The following DTNBP1 variants were observed in gnomAD, a reference collection of about 807,000 sequenced individuals.
DTNBP1 encodes dysbindin.
A neutral mutation model predicts 42.8 loss-of-function variants in DTNBP1; 35 were observed. That is an observed-to-expected ratio of 0.82 (90% CI 0.63 to 1.09). The LOEUF is 1.09. Among genes scored for constraint, DTNBP1 ranks in the 50% least tolerant of loss-of-function variants. The pLI is 0.00. For synonymous variants in DTNBP1, 171 were observed against 162.2 expected (o/e 1.05, Z -0.41); for missense variants, 457 against 424.2 (o/e 1.08, Z -0.68).
At chr6:15,532,697 CTTTTTTT>C (rs373480713) in intron 8 of DTNBP1, among the ~76,000 whole-genome samples, 2 of 93,100 alleles carry the variant, frequency 2.1e-5, no homozygotes, top group African/African-American at 8.9e-5. Context: ...TGTTTGTAAT[CTTTTTTT>C]TTTTTTTTTT....
intron 7 of DTNBP1, among the ~76,000 whole-genome samples, chr6:15,542,067 A>T (rs2056942): frequency 2.6e-5 from 4 of 151,970 alleles, no homozygotes; most frequent in African/African-American, 4.8e-5. Flanking sequence ...ATTGTTCATT[A>T]GAGATAAATA....
chr6:15,533,384 C>T lies in DTNBP1; in HGVS notation c.523G>A (p.Ala175Thr). 1 of 1,614,238 alleles carries T rather than the reference C, an allele frequency of 6.2e-7. No homozygotes were observed. The highest frequency in any genetic ancestry group is 8.5e-7 in the Non-Finnish European group (1 of 1,180,052). Residue 175 changes from alanine to threonine, a missense_variant, in exon 8 of 10, where the codon GCA (alanine) becomes ACA (threonine). Transcript: ENST00000344537. ...ELETFKAELDAEHAQKVLEME... is the reference protein window; with the variant it reads ...ELETFKAELDTEHAQKVLEME... ...TCCAGGACCTTCTGGGCGTGCTCTG[C>T]ATCTAGTTCAGCTGAGGAAACAGAA...
intron 4 of DTNBP1, among the ~76,000 whole-genome samples, chr6:15,632,114 C>G (rs1759731026): frequency 6.6e-6 from 1 of 152,120 alleles, no homozygotes. Context: ...ATCTTTTACT[C>G]ACTTTTCTCC....
At chr6:15,524,004 C>T (rs1288983487) in intron 9 of DTNBP1, 1 of 1,288,456 alleles carries the variant, frequency 7.8e-7, no homozygotes, top group Admixed American at 2.3e-5. Context: ...GGCACCTCAG[C>T]CCATATTTGC....
intron 7 of DTNBP1, among the ~76,000 whole-genome samples, chr6:15,567,596 C>T (rs537523528): frequency 6.6e-6 from 1 of 152,322 alleles, no homozygotes; most frequent in Non-Finnish European, 1.5e-5. Context: ...TCACGTATGA[C>T]CTGTAAGCCC....
At chr6:15,643,325 C>T (rs1035046110) in intron 3 of DTNBP1, among the ~76,000 whole-genome samples, 1 of 152,140 alleles carries the variant, frequency 6.6e-6, no homozygotes, top group Non-Finnish European at 1.5e-5. Flanking sequence ...CTTTCACTTA[C>T]TAGCATTCCT....
chr6:15,640,675 G>A (rs1207360642), intron 3 of DTNBP1, among the ~76,000 whole-genome samples: 1 of 152,198 alleles, frequency 6.6e-6, no homozygotes, highest in Non-Finnish European at 1.5e-5. Flanking sequence ...GAAATAGAGA[G>A]AAGATGTCAG....
At chr6:15,593,321 A>T (rs1433189160) in intron 6 of DTNBP1, among the ~76,000 whole-genome samples, 1 of 152,230 alleles carries the variant, frequency 6.6e-6, no homozygotes, top group Non-Finnish European at 1.5e-5. Flanking sequence ...GAATCCAAAT[A>T]ATAATCTAAA....
chr6:15,530,913 T>C (rs1772774606), intron 8 of DTNBP1, among the ~76,000 whole-genome samples: 1 of 152,162 alleles, frequency 6.6e-6, no homozygotes, highest in African/African-American at 2.4e-5. Flanking sequence ...ATGGACTGAA[T>C]GTGTCCCCAT....
chr6:15,597,639 A>G (rs1032646374), intron 6 of DTNBP1, among the ~76,000 whole-genome samples: 1 of 152,178 alleles, frequency 6.6e-6, no homozygotes, highest in Non-Finnish European at 1.5e-5. Context: ...TATACATTTC[A>G]TGTGCTGCCT....
intron 7 of DTNBP1, among the ~76,000 whole-genome samples, chr6:15,535,399 C>A (rs1773165879): frequency 6.6e-6 from 1 of 152,154 alleles, no homozygotes. Flanking sequence ...TCACTGCAAC[C>A]TCTGCCTCCT....
Position 15,615,498 on chromosome 6 carries a change from T to C in DTNBP1, c.356-99A>G, listed in dbSNP as rs138693046. The C allele has an allele frequency of 6.2e-4, 924 of 1,486,178 alleles. 11 individuals are homozygous for C. The East Asian group carries it at 0.018, about 30-fold the overall frequency. 92.1% of individuals were successfully genotyped at this position (1,486,178 alleles called of 1,614,324 possible). A position where few individuals can be genotyped will look rare whatever the true frequency, so the allele number is the denominator to read the frequency against. On this transcript the variant is annotated intron_variant, in intron 5 of 9. Transcript: ENST00000344537. Reference sequence around the variant, plus strand: ...AAGGTAAAAGTTCACATTGTTGAGATTGTTTTGCATTTTTAATGTTTTTTA... The same window carrying C: ...AAGGTAAAAGTTCACATTGTTGAGACTGTTTTGCATTTTTAATGTTTTTTA...
intron 7 of DTNBP1, chr6:15,548,438 G>GACAGAC (rs1186457970): frequency 1.6e-4 from 22 of 136,710 alleles, no homozygotes; most frequent in African/African-American, 5.8e-4. Flanking sequence ...AACACACACA[G>GACAGAC]ACACACACAC....
intron 7 of DTNBP1, among the ~76,000 whole-genome samples, chr6:15,589,785 T>G (rs1776220274): frequency 6.6e-6 from 1 of 152,196 alleles, no homozygotes; most frequent in African/African-American, 2.4e-5. Context: ...CTTTCCATTT[T>G]CTTTGGTATC....
chr6:15,659,249 T>C lies in DTNBP1; in HGVS notation c.56+3565A>G, dbSNP rs1236881389. On this transcript the variant is annotated intron_variant, in intron 1 of 9. Transcript: ENST00000344537. ...TTTATCTAGAGTTAGGGCCTTCATA[T>C]GAGTTTTCAGAAAGTGAAAATGATC... 3.3e-5 allele frequency among the ~76,000 whole-genome samples: 5 copies of C among 152,238 alleles called. No homozygotes were observed. The East Asian group carries it at 7.7e-4, about 23-fold the overall frequency.
intron 7 of DTNBP1, chr6:15,579,759 C>G: frequency 2.4e-6 from 1 of 415,886 alleles, no homozygotes; most frequent in South Asian, 1.8e-5. Flanking sequence ...GAGCTGAGAT[C>G]GTGCCACTGC....
chr6:15,636,367 T>C (rs544322624), intron 4 of DTNBP1, among the ~76,000 whole-genome samples: 21 of 152,176 alleles, frequency 1.4e-4, no homozygotes, highest in African/African-American at 5.1e-4. Flanking sequence ...GCCAGGCTAG[T>C]CTCAAACTCC....
intron 7 of DTNBP1, among the ~76,000 whole-genome samples, chr6:15,543,017 T>C (rs1010557027): frequency 3.3e-5 from 5 of 152,142 alleles, no homozygotes; most frequent in African/African-American, 7.2e-5. Flanking sequence ...ATTTATTTAA[T>C]AGGGTATTTT....
intron 5 of DTNBP1, among the ~76,000 whole-genome samples, chr6:15,624,283 C>T (rs996451797): frequency 6.6e-6 from 1 of 152,192 alleles, no homozygotes; most frequent in Non-Finnish European, 1.5e-5. Flanking sequence ...GAGCCAAACC[C>T]GATCTGTCAG....
Sources: gnomAD v4.1 joint callset for allele counts (sites outside exome capture counted in the v4.1 genomes callset) on GRCh38, gnomAD v4.1.1 for gene constraint, MANE v1.5 for transcripts, NCBI Gene and HGNC (gene_info 2026-07-23, HGNC 2026-07-21) for gene names.